RRP1B: variants seen among roughly 807,000 people sequenced by gnomAD.
RRP1B encodes the protein ribosomal RNA processing 1B.
A neutral mutation model predicts 80.2 loss-of-function variants in RRP1B; 56 were observed. That is an observed-to-expected ratio of 0.70 (90% CI 0.56 to 0.87). RRP1B has a LOEUF of 0.87. Among genes scored for constraint, RRP1B ranks in the 40% least tolerant of loss-of-function variants. RRP1B has a pLI of 0.00. For missense variants in RRP1B, 807 were observed against 939.8 expected, an observed-to-expected ratio of 0.86 and a Z score of 1.85; for synonymous variants, 351 against 357.6, an observed-to-expected ratio of 0.98 and a Z score of 0.21.
chr21:43,676,749 A>G lies in RRP1B; in HGVS notation c.631A>G (p.Thr211Ala). ...AKTKDHTLVQTIARGVFEAIV... is the reference protein window; with the variant it reads ...AKTKDHTLVQAIARGVFEAIV... ...TACCCTCAGCCACACCCTGGTACAGACCATAGCTCGGGGTGTCTTCGAAGC... is the reference window on the plus strand; with the variant it reads ...TACCCTCAGCCACACCCTGGTACAGGCCATAGCTCGGGGTGTCTTCGAAGC... Residue 211 changes from threonine to alanine, a missense_variant, in exon 8 of 16, where the codon ACC becomes GCC. Thr to Ala is a moderately conservative substitution (Grantham distance 58). Coordinates refer to ENST00000340648, the MANE Select transcript of RRP1B (RefSeq NM_015056.3). 1 of 1,614,118 alleles carries G rather than the reference A, an allele frequency of 6.2e-7. No homozygotes were observed. The highest frequency in any genetic ancestry group is 8.5e-7 in the Non-Finnish European group (1 of 1,180,020).
intron 9 of RRP1B, 148 bp from the exon 10 acceptor site, chr21:43,684,405 C>T: frequency 1.5e-6 from 1 of 678,434 alleles, no homozygotes; most frequent in Non-Finnish European, 2.6e-6. Context: ...TGCTTGTGCT[C>T]CTGGTTGCCA....
At chr21:43,665,731 C>T (rs1003220222) in intron 1 of RRP1B, among the ~76,000 whole-genome samples, 34 of 152,050 alleles carry the variant, frequency 2.2e-4, no homozygotes, top group African/African-American at 7.7e-4. Context: ...GAGCCTGGCA[C>T]CTTCCTCCTC....
At chr21:43,672,243 C>T (rs1426991916) in intron 2 of RRP1B, 65 bp from the exon 3 acceptor site, 10 of 1,433,960 alleles carry the variant, frequency 7.0e-6, no homozygotes, top group Admixed American at 5.1e-5. Context: ...AAGCAGGCCG[C>T]GGCACAGGCA....
chr21:43,690,195 C>T, intron 13 of RRP1B, 93 bp from the exon 14 acceptor site: 1 of 1,467,198 alleles, frequency 6.8e-7, no homozygotes, highest in Non-Finnish European at 9.3e-7. Context: ...CTGGATCTGC[C>T]TGGGGCTCTG....
rs1322054070 is a variant in RRP1B at position 43,694,049 on chromosome 21, C to G, written c.*666C>G. The G allele has an allele frequency of 3.9e-5, 6 of 152,790 alleles. No individual in the cohort carries two copies. Among genetic ancestry groups the G allele is most frequent in the African/African-American group, 1.4e-4 (6 of 41,458 alleles). The allele number at this position is 152,790 out of a possible 1,614,324, so 9.5% of individuals were successfully genotyped here. On this transcript the variant is annotated 3_prime_UTR_variant, in exon 16 of 16. Coordinates refer to ENST00000340648, the MANE Select transcript of RRP1B (RefSeq NM_015056.3). The stretch of plus-strand genomic sequence containing the variant: ...CCTACCCGGTTTCCCTCCCTGTTTT[C>G]CTACCTCTACGGCAAGCCCAAAGTG...
intron 8 of RRP1B, among the ~76,000 whole-genome samples, chr21:43,682,110 A>C (rs1046596306): frequency 2.0e-5 from 3 of 152,196 alleles, no homozygotes; most frequent in Non-Finnish European, 4.4e-5. Flanking sequence ...TCTAAAACAA[A>C]ACGAAAAAAA....
rs1164800017 is a variant in RRP1B at position 43,675,014 on chromosome 21, G to T, written c.420-20G>T. The T allele has an allele frequency of 6.2e-7, 1 of 1,613,286 alleles. No individual in the cohort carries two copies. The highest frequency in any genetic ancestry group is 1.3e-5 in the African/African-American group (1 of 75,004). The stretch of plus-strand genomic sequence containing the variant: ...TGTTGGCATACTGTCATTCACAGAA[G>T]CATGCGTTTGGTTCTTTAGCCGAAT... On this transcript the variant is annotated intron_variant, in intron 5 of 15. Transcript: ENST00000340648.
At chr21:43,667,366 A>G (rs73367895) in intron 1 of RRP1B, among the ~76,000 whole-genome samples, 3 of 152,150 alleles carry the variant, frequency 2.0e-5, no homozygotes, top group Non-Finnish European at 4.4e-5. Flanking sequence ...ACTTGGGACT[A>G]CAGGCACATG....
chr21:43,663,775 T>C (rs953615547), intron 1 of RRP1B, among the ~76,000 whole-genome samples: 1 of 152,142 alleles, frequency 6.6e-6, no homozygotes, highest in Non-Finnish European at 1.5e-5. Flanking sequence ...ATGGCCAGGC[T>C]GGTCTTGAAC....
chr21:43,676,398 C>G, intron 7 of RRP1B, 62 bp downstream of exon 7: 1 of 1,293,682 alleles, frequency 7.7e-7, no homozygotes, highest in South Asian at 1.2e-5. Context: ...AGTTACTTGC[C>G]GTCGTGCAGC....
Position 43,672,423 on chromosome 21 carries a change from G to C in RRP1B, c.271+58G>C, listed in dbSNP as rs978906661. ...AGTTTTCCGACTTGCTAGTTTAATGGGAACCTTGTGCCGGTATTGTGTAGA... is the reference window on the plus strand; with the variant it reads ...AGTTTTCCGACTTGCTAGTTTAATGCGAACCTTGTGCCGGTATTGTGTAGA... On this transcript the variant is annotated intron_variant, in intron 3 of 15. Transcript: ENST00000340648. 1.3e-5 allele frequency: 19 copies of C among 1,410,562 alleles called. No homozygotes were observed. The African/African-American group carries it at 1.8e-4, about 14-fold the overall frequency. 87.4% of individuals were successfully genotyped at this position (1,410,562 alleles called of 1,614,324 possible).
Position 43,675,134 on chromosome 21 carries a change from G to T in RRP1B, c.520G>T (p.Asp174Tyr). The T allele has an allele frequency of 2.5e-6, 4 of 1,614,086 alleles. No individual in the cohort carries two copies. Among genetic ancestry groups the T allele is most frequent in the South Asian group, 1.1e-5 (1 of 91,076 alleles). Residue 174 changes from aspartate to tyrosine, a missense_variant, in exon 6 of 16, where the codon GAT becomes TAT. Asp to Tyr is a radical substitution (Grantham distance 160). Coordinates refer to ENST00000340648, the MANE Select transcript of RRP1B (RefSeq NM_015056.3). ...ATTCCACTTCATTGATATTTACCTG[G>T]ATGAACTCTCCAAAGTCGGGGGGAA... ...VRFHFIDIYL[D>Y]ELSKVGGKEL...
Position 43,691,690 on chromosome 21 carries a change from G to C in RRP1B, c.2083+188G>C, listed in dbSNP as rs2083087460. 6.7e-6 allele frequency among the ~76,000 whole-genome samples: 1 copy of C among 149,018 alleles called. No homozygotes were observed. The highest frequency in any genetic ancestry group is 1.5e-5 in the Non-Finnish European group (1 of 67,590). On this transcript the variant is annotated intron_variant, in intron 15 of 15. Transcript: ENST00000340648. The surrounding 1 kb of genome is among the most constrained non-coding windows in gnomAD (Gnocchi z 4.2). ...TCGCTGCTCTGTCACCCAGGCTGCA[G>C]TGCAGTGGCGAGATCTTGGCTCACT...
intron 1 of RRP1B, among the ~76,000 whole-genome samples, chr21:43,666,168 G>A (rs1234443767): frequency 6.6e-6 from 1 of 152,230 alleles, no homozygotes; most frequent in African/African-American, 2.4e-5. Flanking sequence ...CCACAGGACA[G>A]GTTCAAGAAA....
At chr21:43,676,219 A>T in intron 6 of RRP1B, 53 bp from the exon 7 acceptor site, 2 of 1,297,524 alleles carry the variant, frequency 1.5e-6, no homozygotes, top group East Asian at 2.3e-5. Context: ...TTTCAAGGAC[A>T]TGTCAAGAAG....
At chr21:43,673,443 G>A (rs987145942) in intron 3 of RRP1B, among the ~76,000 whole-genome samples, 4 of 152,108 alleles carry the variant, frequency 2.6e-5, no homozygotes, top group Non-Finnish European at 2.9e-5. Context: ...AGACCAGCCT[G>A]GCCAACATGG....
At chr21:43,690,639 G>A (rs2083082613) in intron 14 of RRP1B, among the ~76,000 whole-genome samples, 199 bp downstream of exon 14, 1 of 152,058 alleles carries the variant, frequency 6.6e-6, no homozygotes, top group South Asian at 2.1e-4. Flanking sequence ...AGTCAGGAAG[G>A]GGACTTTGAG....
rs114577524 is a variant in RRP1B at position 43,674,628 on chromosome 21, T to A, written c.358-8T>A. ...TTTTTTTTTTAAACAAAAATTGCCT[T>A]TCTTTAGCTGATTCGTCTGGTCCTG... is the stretch of plus-strand genomic sequence containing the variant. On this transcript the variant is annotated splice_polypyrimidine_tract_variant and splice_region_variant and intron_variant, in intron 4 of 15. Coordinates refer to ENST00000340648, the MANE Select transcript of RRP1B (RefSeq NM_015056.3). 2,720 of 1,490,314 alleles carry A rather than the reference T, an allele frequency of 1.8e-3. 47 individuals are homozygous for A. The African/African-American group carries it at 0.033, about 18-fold the overall frequency. The allele number at this position is 1,490,314 out of a possible 1,614,324, so 92.3% of individuals were successfully genotyped here. A position where few individuals can be genotyped will look rare whatever the true frequency, so the allele number is the denominator to read the frequency against.
At chr21:43,662,150 G>C (rs896269843) in intron 1 of RRP1B, among the ~76,000 whole-genome samples, 1 of 152,184 alleles carries the variant, frequency 6.6e-6, no homozygotes, top group African/African-American at 2.4e-5. Flanking sequence ...CAATACTTAC[G>C]GTGCTAAGAC....
Sources: allele counts gnomAD v4.1 joint callset (sites outside exome capture counted in the v4.1 genomes callset), GRCh38; gene constraint gnomAD v4.1.1; non-coding constraint Gnocchi (gnomAD v3.1); transcripts MANE v1.5; gene names NCBI Gene and HGNC (gene_info 2026-07-23, HGNC 2026-07-21).